The following NALF1 variants were observed in gnomAD, a reference collection of about 807,000 sequenced individuals.
The protein encoded by NALF1 is family with sequence similarity 155 member A.
In NALF1, 3 loss-of-function variants were observed where a neutral mutation model predicts 48.4. That is an observed-to-expected ratio of 0.06 (90% CI 0.03 to 0.16). The LOEUF (loss-of-function observed/expected upper bound fraction) is 0.16, where lower values mean the gene tolerates loss of function less well. NALF1 is among the 10% of genes least tolerant of loss of function. The probability of loss-of-function intolerance (pLI) is 1.00; values close to 1 mark genes in which losing one functional copy is unlikely to be tolerated. For synonymous variants in NALF1, 262 were observed against 245.7 expected (o/e 1.07, Z -0.62); for missense variants, 526 against 571.5 (o/e 0.92, Z 0.81).
intron 1 of NALF1, among the ~76,000 whole-genome samples, chr13:107,755,439 C>T (rs1877067385): frequency 6.6e-6 from 1 of 151,798 alleles, no homozygotes; most frequent in African/African-American, 2.4e-5. Context: ...CATGTATCTT[C>T]AAGGTTCAGT....
intron 1 of NALF1, among the ~76,000 whole-genome samples, chr13:107,498,841 G>T (rs1310340394): frequency 1.3e-5 from 2 of 152,018 alleles, no homozygotes; most frequent in African/African-American, 4.8e-5. Context: ...GATTTTTTCA[G>T]GTTAATCCAA....
chr13:107,344,043 A>G (rs1287914610), intron 1 of NALF1, among the ~76,000 whole-genome samples: 2 of 152,176 alleles, frequency 1.3e-5, no homozygotes, highest in African/African-American at 4.8e-5. Context: ...AAAGGAGATA[A>G]TAAGCGACTA....
chr13:107,585,813 T>G (rs1464375314), intron 1 of NALF1, among the ~76,000 whole-genome samples: 2 of 152,130 alleles, frequency 1.3e-5, no homozygotes, highest in African/African-American at 4.8e-5. Flanking sequence ...ATAAACACAC[T>G]CTATGGTATT....
intron 1 of NALF1, among the ~76,000 whole-genome samples, chr13:107,311,818 A>T (rs1391902962): frequency 1.3e-5 from 2 of 152,254 alleles, no homozygotes; most frequent in African/African-American, 4.8e-5. Context: ...GACACTTGAA[A>T]AAATGCTCAT....
At chr13:107,389,439 G>A (rs1004815150) in intron 1 of NALF1, among the ~76,000 whole-genome samples, 4 of 152,120 alleles carry the variant, frequency 2.6e-5, no homozygotes, top group Admixed American at 6.5e-5. Context: ...GAAGAAAGAC[G>A]ACATAGATAC....
chr13:107,410,114 TTGGTGCTTGTCCAAGAAG>T (rs1883964968), intron 1 of NALF1, among the ~76,000 whole-genome samples: 1 of 152,228 alleles, frequency 6.6e-6, no homozygotes, highest in South Asian at 2.1e-4. Flanking sequence ...GTAACAATGC[TTGGTGCTTGTCCAAGAAG>T]TGGTAAATAT....
At chr13:107,321,562 C>G (rs1032431943) in intron 1 of NALF1, among the ~76,000 whole-genome samples, 1 of 151,998 alleles carries the variant, frequency 6.6e-6, no homozygotes, top group Non-Finnish European at 1.5e-5. Flanking sequence ...TTTTTTTCTA[C>G]GAAAAGGCAG....
chr13:107,355,128 C>G (rs1030335375), intron 1 of NALF1, among the ~76,000 whole-genome samples: 1 of 152,136 alleles, frequency 6.6e-6, no homozygotes, highest in African/African-American at 2.4e-5. Context: ...GGCCGGTTGC[C>G]CTCATCCATC....
At chr13:107,506,607 G>A (rs901133178) in intron 1 of NALF1, among the ~76,000 whole-genome samples, 5 of 151,546 alleles carry the variant, frequency 3.3e-5, no homozygotes, top group Non-Finnish European at 7.4e-5. Context: ...TATTTATTTT[G>A]GAAACTTCAT....
intron 1 of NALF1, among the ~76,000 whole-genome samples, chr13:107,817,550 C>A (rs914444268): frequency 3.9e-5 from 6 of 152,178 alleles, no homozygotes; most frequent in African/African-American, 1.4e-4. Context: ...TCTCCCAATT[C>A]CCTCCTCTTA....
intron 1 of NALF1, among the ~76,000 whole-genome samples, chr13:107,416,268 G>C (rs1173341446): frequency 6.6e-6 from 1 of 151,686 alleles, no homozygotes; most frequent in East Asian, 1.9e-4. Context: ...GCCTGCCTTG[G>C]CCTCCCAAAG....
chr13:107,361,202 G>A (rs1219756466), intron 1 of NALF1, among the ~76,000 whole-genome samples: 1 of 152,140 alleles, frequency 6.6e-6, no homozygotes, highest in Non-Finnish European at 1.5e-5. Context: ...GCTACTAACT[G>A]CTTAAGTATC....
chr13:107,332,481 C>T (rs766872721), intron 1 of NALF1, among the ~76,000 whole-genome samples: 3 of 152,166 alleles, frequency 2.0e-5, no homozygotes, highest in South Asian at 2.1e-4. Flanking sequence ...GTACTGGAGG[C>T]GGCCCTGGGT....
intron 1 of NALF1, among the ~76,000 whole-genome samples, chr13:107,498,574 A>G (rs1206363922): frequency 2.6e-5 from 4 of 152,140 alleles, no homozygotes; most frequent in African/African-American, 9.7e-5. Flanking sequence ...TCGAAAAGAG[A>G]AAATGGTGGA....
intron 1 of NALF1, among the ~76,000 whole-genome samples, chr13:107,443,347 T>G (rs1424941163): frequency 6.6e-6 from 1 of 151,946 alleles, no homozygotes; most frequent in African/African-American, 2.4e-5. Flanking sequence ...TCCCGAGTAG[T>G]ACGGATTACA....
At chr13:107,617,557 C>A (rs78994727) in intron 1 of NALF1, among the ~76,000 whole-genome samples, 4,208 of 152,156 alleles carry the variant, frequency 0.028, 76 homozygotes, top group South Asian at 0.064. Flanking sequence ...TGACCACCAC[C>A]GCAGTGAATG....
chr13:107,695,655 AAAT>A (rs1881681582), intron 1 of NALF1, among the ~76,000 whole-genome samples: 2 of 152,226 alleles, frequency 1.3e-5, no homozygotes, highest in Non-Finnish European at 2.9e-5. Flanking sequence ...GAGAATGAGC[AAAT>A]AATACCATTC....
intron 1 of NALF1, among the ~76,000 whole-genome samples, chr13:107,797,473 T>A (rs551382237): frequency 1.4e-4 from 22 of 152,154 alleles, no homozygotes; most frequent in Middle Eastern, 3.2e-3. Flanking sequence ...CCTCCCAAAG[T>A]GCTGGGATTA....
chr13:107,606,987 A>T (rs967663122), intron 1 of NALF1, among the ~76,000 whole-genome samples: 2 of 152,190 alleles, frequency 1.3e-5, no homozygotes, highest in African/African-American at 4.8e-5. Flanking sequence ...ATTGGAGGTA[A>T]TTCATTTTCT....
Sources: allele counts gnomAD v4.1 joint callset (sites outside exome capture counted in the v4.1 genomes callset), GRCh38; gene constraint gnomAD v4.1.1; transcripts MANE v1.5; gene names NCBI Gene and HGNC (gene_info 2026-07-23, HGNC 2026-07-21).